Variants in ARSG observed in about 807,000 individuals in gnomAD.
ARSG encodes the protein ASG.
In ARSG, 37 loss-of-function variants were observed where a neutral mutation model predicts 50.5. The observed-to-expected ratio is 0.73, with a 90% CI of 0.56 to 0.96. The LOEUF (loss-of-function observed/expected upper bound fraction) is 0.96, where lower values mean the gene tolerates loss of function less well. Among genes scored for constraint, ARSG ranks in the 50% least tolerant of loss-of-function variants. ARSG has a pLI of 0.00. For missense variants in ARSG, 629 were observed against 675.3 expected, an observed-to-expected ratio of 0.93 and a Z score of 0.76; for synonymous variants, 225 against 254.6, an observed-to-expected ratio of 0.88 and a Z score of 1.11.
downstream of ARSG, among the ~76,000 whole-genome samples, chr17:68,425,550 C>T (rs753757021): frequency 1.8e-4 from 28 of 152,034 alleles, no homozygotes; most frequent in African/African-American, 6.7e-4. Context: ...TCTGCAACTG[C>T]TGGGGAGGTG....
At chr17:68,383,671 C>T (rs1416444485) in intron 8 of ARSG, among the ~76,000 whole-genome samples, 1 of 152,178 alleles carries the variant, frequency 6.6e-6, no homozygotes, top group Non-Finnish European at 1.5e-5. Context: ...TCCAAAGCCA[C>T]GTGGAAATGC....
chr17:68,444,234 C>T, the ARSG span, among the ~76,000 whole-genome samples: 1 of 152,222 alleles, frequency 6.6e-6, no homozygotes, highest in Non-Finnish European at 1.5e-5. Flanking sequence ...CGTGCCTTGA[C>T]ACATTTGCTG....
chr17:68,346,240 C>T (rs2078498073), intron 3 of ARSG, among the ~76,000 whole-genome samples: 1 of 152,000 alleles, frequency 6.6e-6, no homozygotes, highest in Non-Finnish European at 1.5e-5. Flanking sequence ...AGAGCAGTTG[C>T]AGGGAGGGAA....
chr17:68,361,081 T>C (rs998773096), intron 6 of ARSG, among the ~76,000 whole-genome samples: 1 of 152,268 alleles, frequency 6.6e-6, no homozygotes, highest in African/African-American at 2.4e-5. Context: ...TGCCTCGGCC[T>C]CCCAAAGTGC....
intron 11 of ARSG, among the ~76,000 whole-genome samples, chr17:68,406,786 T>A (rs1194394603): frequency 1.3e-5 from 2 of 152,250 alleles, no homozygotes; most frequent in Admixed American, 1.3e-4. Flanking sequence ...CTTTGTCAGA[T>A]GTATAGATTG....
intron 6 of ARSG, among the ~76,000 whole-genome samples, chr17:68,365,798 C>G (rs1290151959): frequency 6.6e-6 from 1 of 152,138 alleles, no homozygotes; most frequent in East Asian, 1.9e-4. Context: ...TGGGCAGTAG[C>G]AAGCCATTGT....
intron 8 of ARSG, among the ~76,000 whole-genome samples, chr17:68,377,045 A>G (rs12453579): frequency 0.33 from 49,679 of 151,962 alleles, 8,638 homozygotes; most frequent in Admixed American, 0.43. Context: ...TATTTTTAGT[A>G]GAGACGGGGT....
At position 68,384,934 on chromosome 17, in the gene ARSG, C is replaced by T. The variant is rs540469675; in HGVS notation, c.983-130C>T. The T allele has an allele frequency of 1.5e-5, 10 of 679,038 alleles. No homozygotes were observed. In the African/African-American group the frequency reaches 1.6e-4, roughly 11 times the overall value. 42.1% of individuals were successfully genotyped at this position (679,038 alleles called of 1,614,324 possible). On this transcript the variant is annotated intron_variant, in intron 8 of 11. Transcript: ENST00000621439. The stretch of plus-strand genomic sequence containing the variant: ...CTAGTTGAGGGAAATAGCTGGTTAC[C>T]AAAAAAGTCATTCCTTTGTTGGGGT...
At chr17:68,441,680 G>T in the ARSG span, among the ~76,000 whole-genome samples, 1 of 152,136 alleles carries the variant, frequency 6.6e-6, no homozygotes, top group South Asian at 2.1e-4. Context: ...CTGACTGCCC[G>T]CATGGACAGG....
At chr17:68,407,600 T>C (rs1370710355) in intron 11 of ARSG, among the ~76,000 whole-genome samples, 8 of 150,200 alleles carry the variant, frequency 5.3e-5, no homozygotes, top group Non-Finnish European at 7.4e-5. Flanking sequence ...ATTCCTAAGT[T>C]TTTTTTTTTT....
chr17:68,417,132 G>A (rs973245841), intron 11 of ARSG, among the ~76,000 whole-genome samples: 1 of 152,130 alleles, frequency 6.6e-6, no homozygotes, highest in African/African-American at 2.4e-5. Context: ...TAGTTTTGGT[G>A]AGCCTGGGCC....
intron 2 of ARSG, among the ~76,000 whole-genome samples, chr17:68,323,575 A>G (rs1555771335): frequency 6.6e-6 from 1 of 152,160 alleles, no homozygotes. Flanking sequence ...AAATGCACTT[A>G]TCTCATCATG....
Position 68,370,554 on chromosome 17 carries a change from C to T in ARSG, c.982+30C>T, listed in dbSNP as rs771601591. The T allele has an allele frequency of 7.5e-6, 12 of 1,601,326 alleles. No individual in the cohort carries two copies. The Admixed American group carries it at 1.7e-4, about 22-fold the overall frequency. On this transcript the variant is annotated intron_variant, in intron 8 of 11. Transcript: ENST00000621439. ...GGGGCTCAGCTGGGGTTGGTGGATC[C>T]CATTGCAATGCTGAGCCCAGGCTGG...
In ARSG at chr17:68,271,302, G is replaced by A; in HGVS notation, c.-552+11876G>A. On this transcript the variant is annotated intron_variant, in intron 1 of 11. Transcript: ENST00000448504. The surrounding 1 kb of genome is among the most constrained non-coding windows in gnomAD (Gnocchi z 5.3). ...TAAAACTTTTCTCTTTCAAAATGGA[G>A]AAGTCTAATAGCGGGGCTTTCTTTT... 6.2e-7 allele frequency: 1 copy of A among 1,614,222 alleles called. No homozygotes were observed. The highest frequency in any genetic ancestry group is 2.2e-5 in the East Asian group (1 of 44,890).
At chr17:68,287,153 T>C (rs2075859975), upstream of ARSG, among the ~76,000 whole-genome samples, 1 of 152,108 alleles carries the variant, frequency 6.6e-6, no homozygotes, top group African/African-American at 2.4e-5. Flanking sequence ...CCGGCTAATT[T>C]TGTTTTAGTA....
the ARSG span, among the ~76,000 whole-genome samples, chr17:68,446,641 C>T: frequency 1.3e-5 from 2 of 152,162 alleles, no homozygotes; most frequent in East Asian, 3.8e-4. Flanking sequence ...CAGCACATGC[C>T]GTGGTTAGAA....
intron 6 of ARSG, among the ~76,000 whole-genome samples, chr17:68,361,891 G>A (rs2079306714): frequency 1.3e-5 from 2 of 152,106 alleles, no homozygotes; most frequent in South Asian, 2.1e-4. Context: ...ACTCCAGCCT[G>A]GGCAACAAGA....
At chr17:68,390,208 G>A (rs541427625) in intron 9 of ARSG, among the ~76,000 whole-genome samples, 6 of 151,974 alleles carry the variant, frequency 3.9e-5, no homozygotes, top group East Asian at 3.9e-4. Flanking sequence ...GGCTGGTCTC[G>A]AACTCCTGAC....
chr17:68,326,011 C>T (rs1442208530), intron 2 of ARSG, among the ~76,000 whole-genome samples: 1 of 152,074 alleles, frequency 6.6e-6, no homozygotes, highest in Non-Finnish European at 1.5e-5. Flanking sequence ...GAGTGCAGGA[C>T]CCGAGCTGCT....
Sources: gnomAD v4.1 joint callset for allele counts (sites outside exome capture counted in the v4.1 genomes callset) on GRCh38, gnomAD v4.1.1 for gene constraint, Gnocchi (gnomAD v3.1) non-coding constraint, MANE v1.5 for transcripts, NCBI Gene and HGNC (gene_info 2026-07-23, HGNC 2026-07-21) for gene names.